SEL1L3: variants seen among roughly 807,000 people sequenced by gnomAD.
The protein encoded by SEL1L3 is SEL1L family member 3.
In SEL1L3, 76 loss-of-function variants were observed where a neutral mutation model predicts 142.8. The ratio of observed to expected loss-of-function variants is 0.53; its 90% CI spans 0.44 to 0.64. SEL1L3 has a LOEUF of 0.64. Ranked by LOEUF, SEL1L3 falls within the 30% of genes least tolerant of loss-of-function variation. SEL1L3 has a pLI of 0.00. For synonymous variants in SEL1L3, 504 were observed against 519.6 expected (o/e 0.97, Z 0.41); for missense variants, 1,262 against 1,381.7 (o/e 0.91, Z 1.37).
chr4:25,777,842 C>G (rs184933116), intron 16 of SEL1L3: 93 of 456,094 alleles, frequency 2.0e-4, no homozygotes, highest in Non-Finnish European at 3.7e-4. Context: ...TTTTGGAGAG[C>G]CAGGGTATCA....
intron 19 of SEL1L3, among the ~76,000 whole-genome samples, chr4:25,767,119 C>G (rs1718797130): frequency 6.6e-6 from 1 of 152,102 alleles, no homozygotes; most frequent in Non-Finnish European, 1.5e-5. Flanking sequence ...TGGTGAAACC[C>G]TATGTCTACT....
intron 23 of SEL1L3, 75 bp from the exon 24 acceptor site, chr4:25,748,639 C>G (rs3822215): frequency 0.21 from 311,992 of 1,488,284 alleles, 33,668 homozygotes; most frequent in Middle Eastern, 0.29. Flanking sequence ...CACCTAGAGA[C>G]TCTGGCAAGC....
intron 23 of SEL1L3, among the ~76,000 whole-genome samples, chr4:25,749,545 C>T (rs1717451640): frequency 6.6e-6 from 1 of 152,158 alleles, no homozygotes; most frequent in Admixed American, 6.5e-5. Flanking sequence ...ACTGCACAAG[C>T]CCCCCACAGC....
chr4:25,844,052 C>T (rs1716348799), intron 2 of SEL1L3, among the ~76,000 whole-genome samples: 1 of 152,218 alleles, frequency 6.6e-6, no homozygotes, highest in Admixed American at 6.5e-5. Flanking sequence ...ACACCAGGCA[C>T]TTGACACAGA....
chr4:25,798,722 G>A (rs1712966352), intron 11 of SEL1L3, among the ~76,000 whole-genome samples: 1 of 152,206 alleles, frequency 6.6e-6, no homozygotes, highest in South Asian at 2.1e-4. Context: ...CAGCTACTCG[G>A]GAGGCTGAGG....
At chr4:25,767,172 A>G (rs1309923787) in intron 19 of SEL1L3, among the ~76,000 whole-genome samples, 1 of 152,018 alleles carries the variant, frequency 6.6e-6, no homozygotes, top group Admixed American at 6.6e-5. Flanking sequence ...TGGGCACCTG[A>G]AATCCCAGCT....
chr4:25,723,198 A>G, the SEL1L3 span, among the ~76,000 whole-genome samples: 7 of 152,194 alleles, frequency 4.6e-5, no homozygotes, highest in Admixed American at 2.6e-4. Context: ...GTAAAAGGTT[A>G]TGCCCTTATC....
Position 25,762,370 on chromosome 4 carries a change from C to T in SEL1L3, c.2955+2956G>A, listed in dbSNP as rs979239867. Among the ~76,000 whole-genome samples the T allele has an allele frequency of 3.3e-5, 5 of 152,238 alleles. No homozygotes were observed. The South Asian group carries it at 1.0e-3, about 32-fold the overall frequency. On this transcript the variant is annotated intron_variant, in intron 20 of 23. Transcript: ENST00000399878. ...TTCATTGTAGCACTAGCTGTAATTCCAACACAAGAGGAAACCACCTCCAAG... is the reference window on the plus strand; with the variant it reads ...TTCATTGTAGCACTAGCTGTAATTCTAACACAAGAGGAAACCACCTCCAAG...
chr4:25,754,351 C>T (rs1577554008), intron 23 of SEL1L3, among the ~76,000 whole-genome samples: 2 of 142,672 alleles, frequency 1.4e-5, no homozygotes, highest in East Asian at 2.0e-4. Flanking sequence ...TTATTGACAA[C>T]TTTTTTTTTT....
the SEL1L3 span, among the ~76,000 whole-genome samples, chr4:25,741,212 C>T: frequency 2.0e-5 from 3 of 151,764 alleles, no homozygotes; most frequent in South Asian, 6.2e-4. Context: ...TCAAAAGATT[C>T]TCCTGTCTCA....
In SEL1L3 at chr4:25,747,768, G is replaced by T. The variant is rs1029990998; in HGVS notation, c.*657C>A. The T allele has an allele frequency of 2.0e-5, 3 of 152,608 alleles. No homozygotes were observed. Among genetic ancestry groups the T allele is most frequent in the Non-Finnish European group, 4.4e-5 (3 of 68,050 alleles). The allele number at this position is 152,608 out of a possible 1,614,324, so 9.5% of individuals were successfully genotyped here. On this transcript the variant is annotated 3_prime_UTR_variant, in exon 24 of 24. Transcript: ENST00000399878. ...TCTTCTAAATGTAATTTCATGGATTGCAATTGAAATGTAAAAGATATCCGA... is the reference window on the plus strand; with the variant it reads ...TCTTCTAAATGTAATTTCATGGATTTCAATTGAAATGTAAAAGATATCCGA...
the SEL1L3 span, among the ~76,000 whole-genome samples, chr4:25,731,092 T>G: frequency 6.6e-6 from 1 of 152,204 alleles, no homozygotes; most frequent in African/African-American, 2.4e-5. Context: ...GTGTCAGGGC[T>G]GTCTCCAAGA....
rs776206521 is a variant in SEL1L3 at position 25,822,044 on chromosome 4, A to G, written c.1242T>C (p.Phe414=). ...GGCGATAGTACTTCAGGGGTCCAAA[A>G]AACCCTTCAATGCCAGCCACATACC... ...GSRYVAGIEG[F]FGPLKYYRLR... Residue 414 remains phenylalanine (F), a synonymous_variant, in exon 7 of 24, where the codon TTT becomes TTC. Coordinates refer to ENST00000399878, the MANE Select transcript of SEL1L3 (RefSeq NM_015187.5). The G allele has an allele frequency of 1.5e-5, 25 of 1,613,794 alleles. No individual in the cohort carries two copies. Among genetic ancestry groups the G allele is most frequent in the Non-Finnish European group, 2.1e-5 (25 of 1,179,888 alleles).
At chr4:25,734,040 G>A in the SEL1L3 span, among the ~76,000 whole-genome samples, 85 of 151,964 alleles carry the variant, frequency 5.6e-4, no homozygotes, top group African/African-American at 2.0e-3. Context: ...TTTTTTTTGA[G>A]ACAGAGTCTC....
intron 7 of SEL1L3, among the ~76,000 whole-genome samples, chr4:25,821,624 A>G (rs928190048): frequency 3.3e-5 from 5 of 152,250 alleles, no homozygotes; most frequent in African/African-American, 9.6e-5. Context: ...AATTTGCTAC[A>G]GTATCTCTTC....
chr4:25,758,981 G>A lies in SEL1L3; in HGVS notation c.3043C>T (p.His1015Tyr), dbSNP rs780400424. 20 of 1,613,638 alleles carry A rather than the reference G, an allele frequency of 1.2e-5. No individual in the cohort carries two copies. In the African/African-American group the frequency reaches 2.3e-4, roughly 18 times the overall value. The part of the protein sequence containing the change: ...LDFLEIDSTL[H>Y]SNNISILQEL... ...TGGAGAATGGAGATGTTATTAGAAT[G>A]GAGAGTTGAGTCAATTTCCAAGAAA... Residue 1015 changes from histidine to tyrosine, a missense_variant, in exon 21 of 24, where the codon CAT becomes TAT. By Grantham distance (83) the His-to-Tyr change is moderately conservative. Transcript: ENST00000399878.
chr4:25,743,131 C>T (rs1028830165), downstream of SEL1L3, among the ~76,000 whole-genome samples: 1 of 152,216 alleles, frequency 6.6e-6, no homozygotes, highest in African/African-American at 2.4e-5. Flanking sequence ...CCTCAGCTAA[C>T]TCTTGCCATG....
At chr4:25,827,909 A>G (rs1715196009) in intron 6 of SEL1L3, among the ~76,000 whole-genome samples, 1 of 152,044 alleles carries the variant, frequency 6.6e-6, no homozygotes, top group South Asian at 2.1e-4. Flanking sequence ...GCCAGAGCCC[A>G]TTTCACAGAA....
In SEL1L3 at chr4:25,758,995, A is replaced by C; in HGVS notation, c.3029T>G (p.Ile1010Ser). 1 of 1,613,826 alleles carries C rather than the reference A, an allele frequency of 6.2e-7. No individual in the cohort carries two copies. Among genetic ancestry groups the C allele is most frequent in the South Asian group, 1.1e-5 (1 of 91,070 alleles). The change falls in exon 21 of 24, where the codon ATT becomes AGT. Residue 1010 changes from isoleucine to serine, a missense_variant. By Grantham distance (142) the Ile-to-Ser change is moderately radical. Transcript: ENST00000399878. ...GTTATTAGAATGGAGAGTTGAGTCAATTTCCAAGAAATCCAAGATATGGTG... is the reference window on the plus strand; with the variant it reads ...GTTATTAGAATGGAGAGTTGAGTCACTTTCCAAGAAATCCAAGATATGGTG... ...IPHHILDFLE[I>S]DSTLHSNNIS...
Sources: gnomAD v4.1 joint callset for allele counts (sites outside exome capture counted in the v4.1 genomes callset) on GRCh38, gnomAD v4.1.1 for gene constraint, MANE v1.5 for transcripts, NCBI Gene and HGNC (gene_info 2026-07-23, HGNC 2026-07-21) for gene names.